The following PLCH1 variants were observed in gnomAD, a reference collection of about 807,000 sequenced individuals.
PLCH1 encodes phospholipase C eta 1.
Under a neutral mutation model 126.7 loss-of-function variants are expected in PLCH1, and 60 were observed. That is an observed-to-expected ratio of 0.47 (90% CI 0.38 to 0.59). PLCH1 has a LOEUF of 0.59. Among genes scored for constraint, PLCH1 ranks in the 20% least tolerant of loss-of-function variants. The probability of loss-of-function intolerance (pLI) is 0.00; values close to 1 mark genes in which losing one functional copy is unlikely to be tolerated. For synonymous variants in PLCH1, 719 were observed against 734.9 expected, an observed-to-expected ratio of 0.98 and a Z score of 0.35; for missense variants, 1,723 against 2,040.0, an observed-to-expected ratio of 0.84 and a Z score of 2.99.
chr3:155,451,306 C>T (rs1040366875), intron 21 of PLCH1, among the ~76,000 whole-genome samples: 1 of 152,004 alleles, frequency 6.6e-6, no homozygotes, highest in African/African-American at 2.4e-5. Flanking sequence ...AATTATCTTG[C>T]CACGAGAAAT....
chr3:155,705,130 G>A (rs1484506084), intron 1 of PLCH1, among the ~76,000 whole-genome samples: 2 of 152,146 alleles, frequency 1.3e-5, no homozygotes, highest in Non-Finnish European at 2.9e-5. Flanking sequence ...AAACCCACAG[G>A]TGGAAAACAA....
At chr3:155,668,226 C>T (rs1469061294) in intron 2 of PLCH1, among the ~76,000 whole-genome samples, 2 of 152,070 alleles carry the variant, frequency 1.3e-5, no homozygotes, top group Non-Finnish European at 2.9e-5. Flanking sequence ...TGAACCTCAT[C>T]GGGGCTTCTG....
intron 11 of PLCH1, among the ~76,000 whole-genome samples, chr3:155,515,249 A>T (rs2108244434): frequency 6.6e-6 from 1 of 152,230 alleles, no homozygotes; most frequent in East Asian, 1.9e-4. Flanking sequence ...GCAGGATTCA[A>T]ACTCAGGACT....
chr3:155,545,787 C>A (rs1330697589), intron 10 of PLCH1, among the ~76,000 whole-genome samples: 7 of 151,976 alleles, frequency 4.6e-5, no homozygotes, highest in Admixed American at 6.5e-5. Flanking sequence ...AAGACAAAAA[C>A]CACATGATTA....
intron 2 of PLCH1, among the ~76,000 whole-genome samples, chr3:155,669,269 T>C (rs1392867156): frequency 1.3e-5 from 2 of 152,122 alleles, no homozygotes; most frequent in Admixed American, 1.3e-4. Context: ...GCTAAGCACA[T>C]TTTTTTAAAT....
intron 11 of PLCH1, among the ~76,000 whole-genome samples, chr3:155,517,283 A>G (rs545253193): frequency 1.3e-5 from 2 of 152,346 alleles, no homozygotes; most frequent in African/African-American, 2.4e-5. Context: ...CTCCAGCCTG[A>G]GCCACAGAGC....
At chr3:155,585,121 G>C (rs1480113365) in intron 5 of PLCH1, among the ~76,000 whole-genome samples, 1 of 152,086 alleles carries the variant, frequency 6.6e-6, no homozygotes, top group Non-Finnish European at 1.5e-5. Flanking sequence ...CCAGTGCAAT[G>C]GGACTCAGTT....
chr3:155,675,916 T>G, intron 2 of PLCH1: 1 of 762,118 alleles, frequency 1.3e-6, no homozygotes, highest in Non-Finnish European at 2.1e-6. Flanking sequence ...TTAACTTAAC[T>G]AAACATGAAA....
chr3:155,607,486 G>A (rs1265781956), intron 2 of PLCH1, among the ~76,000 whole-genome samples: 1 of 151,936 alleles, frequency 6.6e-6, no homozygotes, highest in African/African-American at 2.4e-5. Context: ...TGTCACCCAG[G>A]CTGGAGTGCA....
intron 2 of PLCH1, among the ~76,000 whole-genome samples, chr3:155,643,556 T>A (rs1739661549): frequency 6.6e-6 from 1 of 152,246 alleles, no homozygotes; most frequent in Non-Finnish European, 1.5e-5. Context: ...TGTCTGTGTG[T>A]CTGCTGGCAT....
chr3:155,525,881 C>A (rs1699376569), intron 10 of PLCH1, among the ~76,000 whole-genome samples: 2 of 152,102 alleles, frequency 1.3e-5, no homozygotes, highest in African/African-American at 4.8e-5. Context: ...GGGTAATTAT[C>A]TCTTTATAAC....
intron 2 of PLCH1, among the ~76,000 whole-genome samples, chr3:155,659,682 A>T (rs888355575): frequency 6.6e-6 from 1 of 151,898 alleles, no homozygotes; most frequent in Non-Finnish European, 1.5e-5. Flanking sequence ...TATTTTTAGT[A>T]GAGATGGGGT....
chr3:155,547,590 T>C (rs1476413401), intron 10 of PLCH1, among the ~76,000 whole-genome samples: 5 of 152,054 alleles, frequency 3.3e-5, no homozygotes, highest in African/African-American at 7.2e-5. Context: ...CACATGCACA[T>C]GTATGTTTAC....
intron 10 of PLCH1, among the ~76,000 whole-genome samples, chr3:155,543,971 C>G (rs2108409377): frequency 6.6e-6 from 1 of 152,102 alleles, no homozygotes; most frequent in South Asian, 2.1e-4. Context: ...TAGGAAGAAA[C>G]TGCATCAACT....
rs1341102796 is a variant in PLCH1, at chr3:155,514,664, A to G, written c.1632+59T>C. ...GAGCATTTCACAAATGATTAGAAACAAAGTATGAGATGCTTTTTTTTTCCT... is the reference window on the plus strand; with the variant it reads ...GAGCATTTCACAAATGATTAGAAACGAAGTATGAGATGCTTTTTTTTTCCT... On this transcript the variant is annotated intron_variant, in intron 12 of 22. Transcript: ENST00000460012. 1.2e-5 allele frequency: 14 copies of G among 1,132,076 alleles called. No individual in the cohort carries two copies. The Admixed American group carries it at 3.8e-4, about 31-fold the overall frequency. 70.1% of individuals were successfully genotyped at this position (1,132,076 alleles called of 1,614,324 possible).
intron 9 of PLCH1, 132 bp from the exon 10 acceptor site, chr3:155,550,090 T>A (rs1400652137): frequency 1.7e-6 from 1 of 572,636 alleles, no homozygotes; most frequent in East Asian, 2.8e-5. Flanking sequence ...ATGGTTAAAA[T>A]GCTTCTAAAA....
intron 12 of PLCH1, among the ~76,000 whole-genome samples, chr3:155,511,405 T>C (rs200084206): frequency 0.059 from 4,901 of 83,092 alleles, 105 homozygotes; most frequent in African/African-American, 0.13. Context: ...TGAGGAACTG[T>C]GTTCCTTTGG....
intron 10 of PLCH1, 52 bp downstream of exon 10, chr3:155,549,735 G>T: frequency 8.0e-7 from 1 of 1,245,306 alleles, no homozygotes; most frequent in Admixed American, 1.9e-5. Context: ...TTAAGGGAGG[G>T]CAGGCTTAGC....
At chr3:155,650,047 A>C (rs571830122) in intron 2 of PLCH1, among the ~76,000 whole-genome samples, 1 of 152,074 alleles carries the variant, frequency 6.6e-6, no homozygotes, top group Non-Finnish European at 1.5e-5. Context: ...GGCGTGAGGG[A>C]GGAGAGGGTC....
Sources: gnomAD v4.1 joint callset for allele counts (sites outside exome capture counted in the v4.1 genomes callset) on GRCh38, gnomAD v4.1.1 for gene constraint, MANE v1.5 for transcripts, NCBI Gene and HGNC (gene_info 2026-07-23, HGNC 2026-07-21) for gene names.